SYNPR: variants seen among roughly 807,000 people sequenced by gnomAD.
SYNPR encodes the protein synaptoporin.
In SYNPR, 23 loss-of-function variants were observed where a neutral mutation model predicts 32.9. That is an observed-to-expected ratio of 0.70 (90% CI 0.50 to 0.99). The LOEUF (loss-of-function observed/expected upper bound fraction) is 0.99. Ranked by LOEUF, SYNPR falls within the 50% of genes least tolerant of loss-of-function variation. The pLI is 0.00. For synonymous variants in SYNPR, 146 were observed against 135.9 expected (o/e 1.07, Z -0.52); for missense variants, 318 against 349.3 (o/e 0.91, Z 0.71).
Position 63,402,085 on chromosome 3 carries a change from G to A in SYNPR, c.85-78747G>A, listed in dbSNP as rs943898946. 2.6e-5 allele frequency among the ~76,000 whole-genome samples: 4 copies of A among 152,140 alleles called. No homozygotes were observed. In the East Asian group the frequency reaches 7.7e-4, roughly 29 times the overall value. On this transcript the variant is annotated intron_variant, in intron 2 of 5. Transcript: ENST00000478300. ...AAGCCTACATGCTCATAAATGAAGAGCAATGTTGCAGAGGAAGGAGGCCCT... is the reference window on the plus strand; with the variant it reads ...AAGCCTACATGCTCATAAATGAAGAACAATGTTGCAGAGGAAGGAGGCCCT...
chr3:63,427,682 G>C (rs536459366), intron 2 of SYNPR: 1 of 152,214 alleles, frequency 6.6e-6, no homozygotes. Context: ...CTCCAAACTG[G>C]TAGATTCTGA....
At chr3:63,586,928 G>A (rs1349589532) in intron 4 of SYNPR, among the ~76,000 whole-genome samples, 5 of 151,768 alleles carry the variant, frequency 3.3e-5, no homozygotes, top group Admixed American at 6.6e-5. Context: ...TTCCAATCAC[G>A]TATTGCAACC....
chr3:63,232,518 A>G (rs755895635), intron 1 of SYNPR, among the ~76,000 whole-genome samples: 3 of 152,158 alleles, frequency 2.0e-5, no homozygotes. Context: ...GATTCTGAGT[A>G]TATTAAAAGA....
chr3:63,317,831 T>A (rs976491322), intron 2 of SYNPR, among the ~76,000 whole-genome samples: 2 of 152,040 alleles, frequency 1.3e-5, no homozygotes, highest in African/African-American at 2.4e-5. Flanking sequence ...TTTTAACACA[T>A]ATTTTTGTTT....
chr3:63,439,035 G>C (rs530269844), intron 2 of SYNPR, among the ~76,000 whole-genome samples: 55 of 152,314 alleles, frequency 3.6e-4, no homozygotes, highest in Admixed American at 8.5e-4. Context: ...CCCCTTTTGA[G>C]AGGCCAGATG....
rs191562130 is a variant in SYNPR, at chr3:63,335,213, C to T, written c.84+56471C>T. Among the ~76,000 whole-genome samples the T allele has an allele frequency of 3.9e-3, 588 of 152,076 alleles. 5 individuals carry two copies. Among genetic ancestry groups the T allele is most frequent in the African/African-American group, 0.013 (555 of 41,492 alleles). ...ACTGAAAAACAAAAAATTAGCCAGGCGTGGTGGCGGGTGCCTGTAGTCCCA... is the reference window on the plus strand; with the variant it reads ...ACTGAAAAACAAAAAATTAGCCAGGTGTGGTGGCGGGTGCCTGTAGTCCCA... On this transcript the variant is annotated intron_variant, in intron 2 of 5. Coordinates refer to ENST00000478300, the MANE Select transcript of SYNPR (RefSeq NM_001130003.2).
At chr3:63,303,261 C>T (rs11922723) in intron 2 of SYNPR, among the ~76,000 whole-genome samples, 62,790 of 151,410 alleles carry the variant, frequency 0.41, 13,390 homozygotes, top group Middle Eastern at 0.5. Context: ...CATAGTGCCT[C>T]ATTTGTTAAT....
intron 4 of SYNPR, among the ~76,000 whole-genome samples, chr3:63,575,166 T>G (rs113380219): frequency 0.011 from 1,698 of 152,180 alleles, 23 homozygotes; most frequent in African/African-American, 0.033. Context: ...TATAGCAGAG[T>G]TAACAGGACC....
intron 2 of SYNPR, among the ~76,000 whole-genome samples, chr3:63,330,713 A>AATT (rs2087218587): frequency 2.0e-5 from 3 of 152,076 alleles, no homozygotes; most frequent in Admixed American, 1.3e-4. Context: ...ATAAAAGAGG[A>AATT]ATTATTATTA....
intron 5 of SYNPR, among the ~76,000 whole-genome samples, chr3:63,612,776 T>C (rs1052449385): frequency 6.6e-6 from 1 of 152,004 alleles, no homozygotes; most frequent in African/African-American, 2.4e-5. Flanking sequence ...ATCCAAATAG[T>C]AACAGGGAAA....
At chr3:63,239,493 T>C (rs187221753) in intron 1 of SYNPR, among the ~76,000 whole-genome samples, 31 of 150,182 alleles carry the variant, frequency 2.1e-4, no homozygotes, top group African/African-American at 5.1e-4. Context: ...CACCTGACAA[T>C]GGTAGAATGG....
intron 3 of SYNPR, chr3:63,550,091 G>A (rs1702475038): frequency 6.6e-6 from 1 of 152,012 alleles, no homozygotes; most frequent in African/African-American, 2.4e-5. Flanking sequence ...GTTTTTCCTT[G>A]TTTAGATTCT....
At chr3:63,562,092 G>T (rs72887401) in intron 4 of SYNPR, among the ~76,000 whole-genome samples, 3 of 152,060 alleles carry the variant, frequency 2.0e-5, no homozygotes, top group Admixed American at 1.3e-4. Context: ...AAATGTCCGT[G>T]TGAATGGTGC....
intron 3 of SYNPR, among the ~76,000 whole-genome samples, chr3:63,515,053 C>T (rs1701769829): frequency 1.3e-5 from 2 of 152,060 alleles, no homozygotes; most frequent in Admixed American, 1.3e-4. Context: ...ATTTACAAAG[C>T]AATGTTCAAC....
intron 3 of SYNPR, among the ~76,000 whole-genome samples, chr3:63,540,218 G>A (rs1192147136): frequency 3.3e-5 from 5 of 151,994 alleles, no homozygotes. Context: ...TTATGAAGTA[G>A]GTCATGTTAT....
chr3:63,566,744 CA>C (rs1702795819), intron 4 of SYNPR, among the ~76,000 whole-genome samples: 1 of 152,138 alleles, frequency 6.6e-6, no homozygotes, highest in Non-Finnish European at 1.5e-5. Flanking sequence ...CTTCATCTAT[CA>C]AATGAAGAGA....
chr3:63,406,175 C>G (rs2088356888), intron 2 of SYNPR, among the ~76,000 whole-genome samples: 1 of 151,070 alleles, frequency 6.6e-6, no homozygotes, highest in Non-Finnish European at 1.5e-5. Flanking sequence ...ACATTCAAGT[C>G]TTGAGGTGCG....
At chr3:63,482,527 C>A (rs902978708) in intron 3 of SYNPR, among the ~76,000 whole-genome samples, 21 of 152,144 alleles carry the variant, frequency 1.4e-4, no homozygotes, top group African/African-American at 4.8e-4. Context: ...CCCCACCGTA[C>A]AGCCCCTGTA....
At chr3:63,220,629 T>C in the SYNPR span, among the ~76,000 whole-genome samples, 4 of 152,184 alleles carry the variant, frequency 2.6e-5, no homozygotes, top group Admixed American at 2.6e-4. Flanking sequence ...CTCCCTCTTC[T>C]TCACTCCAGC....
Sources: allele counts gnomAD v4.1 joint callset (sites outside exome capture counted in the v4.1 genomes callset), GRCh38; gene constraint gnomAD v4.1.1; transcripts MANE v1.5; gene names NCBI Gene and HGNC (gene_info 2026-07-23, HGNC 2026-07-21).